Variants in SIPA1L1 observed in about 807,000 individuals in gnomAD.
The protein encoded by SIPA1L1 is signal-induced proliferation-associated 1-like protein 1.
In SIPA1L1, 26 loss-of-function variants were observed where a neutral mutation model predicts 162.7. The observed-to-expected ratio is 0.16, with a 90% CI of 0.12 to 0.22. The LOEUF (loss-of-function observed/expected upper bound fraction) is 0.22, where lower values mean the gene tolerates loss of function less well. SIPA1L1 is among the 10% of genes least tolerant of loss of function. The probability of loss-of-function intolerance (pLI) is 1.00; values close to 1 mark genes in which losing one functional copy is unlikely to be tolerated. For missense variants in SIPA1L1, 1,874 were observed against 2,241.0 expected (o/e 0.84, Z 3.31); for synonymous variants, 829 against 837.4 (o/e 0.99, Z 0.17).
chr14:71,699,912 T>C (rs2081955399), intron 14 of SIPA1L1, among the ~76,000 whole-genome samples: 1 of 152,228 alleles, frequency 6.6e-6, no homozygotes, highest in South Asian at 2.1e-4. Flanking sequence ...TACTTAAAAC[T>C]CCTTCAAATC....
At chr14:71,637,140 G>A (rs1425698927) in intron 7 of SIPA1L1, among the ~76,000 whole-genome samples, 1 of 143,710 alleles carries the variant, frequency 7.0e-6, no homozygotes, top group African/African-American at 2.6e-5. Context: ...GTGCACGCGT[G>A]CACACACACA....
chr14:71,382,738 A>G (rs1261506447), intron 2 of SIPA1L1, among the ~76,000 whole-genome samples: 2 of 152,102 alleles, frequency 1.3e-5, no homozygotes, highest in East Asian at 1.9e-4. Context: ...ATTAAAGGAG[A>G]GAGTATTTTT....
intron 2 of SIPA1L1, among the ~76,000 whole-genome samples, chr14:71,496,522 G>A (rs530628110): frequency 6.6e-6 from 1 of 152,258 alleles, no homozygotes; most frequent in East Asian, 1.9e-4. Context: ...CTTGTTTTGT[G>A]ACATTGCAAA....
At chr14:71,539,046 A>ACT (rs1354140227) in intron 4 of SIPA1L1, among the ~76,000 whole-genome samples, 1 of 152,146 alleles carries the variant, frequency 6.6e-6, no homozygotes, top group African/African-American at 2.4e-5. Context: ...GGGAAGATGC[A>ACT]CTCATTTTGA....
intron 10 of SIPA1L1, among the ~76,000 whole-genome samples, chr14:71,663,691 T>C (rs1268784152): frequency 6.6e-6 from 1 of 152,142 alleles, no homozygotes; most frequent in South Asian, 2.1e-4. Context: ...ATTTTTGCTT[T>C]CTCTCTCTTA....
At chr14:71,365,546 C>T (rs1371086703) in intron 2 of SIPA1L1, among the ~76,000 whole-genome samples, 2 of 152,124 alleles carry the variant, frequency 1.3e-5, no homozygotes, top group African/African-American at 4.8e-5. Flanking sequence ...AGTTTCTCAG[C>T]TTCTCTCTAT....
At chr14:71,444,030 TTTC>T (rs1411184263) in intron 2 of SIPA1L1, among the ~76,000 whole-genome samples, 1 of 152,214 alleles carries the variant, frequency 6.6e-6, no homozygotes, top group Non-Finnish European at 1.5e-5. Flanking sequence ...CAATCTTGTT[TTTC>T]TTCATTTATT....
intron 4 of SIPA1L1, among the ~76,000 whole-genome samples, chr14:71,564,754 G>A (rs2029998401): frequency 6.6e-6 from 1 of 152,124 alleles, no homozygotes. Context: ...CTCCCAAAGT[G>A]CTGGGATTGG....
intron 12 of SIPA1L1, among the ~76,000 whole-genome samples, chr14:71,672,958 A>G (rs1321586162): frequency 1.3e-5 from 2 of 152,226 alleles, no homozygotes; most frequent in Non-Finnish European, 2.9e-5. Context: ...ACATTAAAAG[A>G]CACTCAACAT....
chr14:71,457,988 T>C (rs148911985), intron 2 of SIPA1L1, among the ~76,000 whole-genome samples: 32 of 152,300 alleles, frequency 2.1e-4, no homozygotes, highest in African/African-American at 7.5e-4. Context: ...TCCCCCCAGT[T>C]TGTGGCTTGC....
At position 71,730,135 on chromosome 14, in the gene SIPA1L1, C is replaced by G. The variant is rs760567734; in HGVS notation, c.4695C>G (p.Asp1565Glu). ...SRRALHRTLS[D>E]ESIYNSQREH... ...GGGCCTTGCACAGAACACTGTCGGA[C>G]GAGAGCATTTACAATAGCCAGAGGG... Residue 1565 changes from aspartate to glutamate, a missense_variant, in exon 20 of 24, where the codon GAC (aspartate) becomes GAG (glutamate). Transcript: ENST00000381232. The G allele has an allele frequency of 2.0e-5, 33 of 1,614,062 alleles. No homozygotes were observed. Among genetic ancestry groups the G allele is most frequent in the African/African-American group, 4.0e-5 (3 of 74,904 alleles).
intron 4 of SIPA1L1, among the ~76,000 whole-genome samples, chr14:71,561,192 C>G (rs1361090311): frequency 1.3e-5 from 2 of 152,100 alleles, no homozygotes; most frequent in Non-Finnish European, 2.9e-5. Context: ...TTTAGGCTTA[C>G]CATATCATAA....
At chr14:71,738,028 T>C (rs940081420) in intron 22 of SIPA1L1, among the ~76,000 whole-genome samples, 1 of 152,182 alleles carries the variant, frequency 6.6e-6, no homozygotes, top group African/African-American at 2.4e-5. Context: ...AGCTATTGAT[T>C]GGCTGCAGTT....
chr14:71,506,372 C>T (rs911582730), intron 2 of SIPA1L1, among the ~76,000 whole-genome samples: 1 of 152,038 alleles, frequency 6.6e-6, no homozygotes, highest in Non-Finnish European at 1.5e-5. Flanking sequence ...CAGAGTTTTG[C>T]TCTTTTTGCC....
At chr14:71,374,050 T>C (rs1384875499) in intron 2 of SIPA1L1, among the ~76,000 whole-genome samples, 1 of 152,216 alleles carries the variant, frequency 6.6e-6, no homozygotes, top group Non-Finnish European at 1.5e-5. Context: ...GGAGCTCTTG[T>C]GTAGTATTTG....
intron 7 of SIPA1L1, among the ~76,000 whole-genome samples, chr14:71,638,032 G>T (rs1232601679): frequency 6.6e-6 from 1 of 152,068 alleles, no homozygotes; most frequent in Non-Finnish European, 1.5e-5. Flanking sequence ...TATTTGAATA[G>T]CCCTATGATT....
chr14:71,646,178 C>CTT (rs756484967), intron 7 of SIPA1L1, among the ~76,000 whole-genome samples: 22 of 142,074 alleles, frequency 1.5e-4, no homozygotes, highest in African/African-American at 3.3e-4. Flanking sequence ...TTTCTTTCTA[C>CTT]TTTTTTTTTT....
chr14:71,681,736 CCA>C (rs1315898918), intron 12 of SIPA1L1, among the ~76,000 whole-genome samples: 4 of 152,098 alleles, frequency 2.6e-5, no homozygotes, highest in Non-Finnish European at 5.9e-5. Context: ...ACTCGTGAGT[CCA>C]GTGTTGTGAT....
At chr14:71,320,752 C>T (rs2032630336) in intron 1 of SIPA1L1, among the ~76,000 whole-genome samples, 2 of 151,480 alleles carry the variant, frequency 1.3e-5, no homozygotes, top group African/African-American at 4.9e-5. Context: ...GAGCCCGGAC[C>T]CCCGCACTTG....
Sources: allele counts gnomAD v4.1 joint callset (sites outside exome capture counted in the v4.1 genomes callset), GRCh38; gene constraint gnomAD v4.1.1; transcripts MANE v1.5; gene names NCBI Gene and HGNC (gene_info 2026-07-23, HGNC 2026-07-21).